The following NOS1 variants were observed in gnomAD, a reference collection of about 807,000 sequenced individuals.
NOS1 encodes the protein NOS type I.
Under a neutral mutation model 164.5 loss-of-function variants are expected in NOS1, and 51 were observed. The observed-to-expected ratio is 0.31, with a 90% CI of 0.25 to 0.39. NOS1 has a LOEUF of 0.39. Among genes scored for constraint, NOS1 ranks in the 10% least tolerant of loss-of-function variants. NOS1 has a pLI of 1.00. For synonymous variants in NOS1, 719 were observed against 745.8 expected, an observed-to-expected ratio of 0.96 and a Z score of 0.59; for missense variants, 1,362 against 1,885.6, an observed-to-expected ratio of 0.72 and a Z score of 5.14.
At chr12:117,238,028 C>T (rs1050110320) in intron 20 of NOS1, among the ~76,000 whole-genome samples, 5 of 151,934 alleles carry the variant, frequency 3.3e-5, no homozygotes, top group Admixed American at 1.3e-4. Flanking sequence ...GGGAAGAGCA[C>T]GTGCAAAGGC....
chr12:117,265,628 G>A (rs1349545043), intron 11 of NOS1, 118 bp from the exon 12 acceptor site: 5 of 632,260 alleles, frequency 7.9e-6, no homozygotes, highest in South Asian at 3.6e-5. Context: ...TTAGAGCAGC[G>A]TGAAGTGAGA....
chr12:117,229,159 CA>C (rs1868967660), intron 22 of NOS1, among the ~76,000 whole-genome samples: 1 of 152,204 alleles, frequency 6.6e-6, no homozygotes, highest in South Asian at 2.1e-4. Context: ...CCTGCAGTTG[CA>C]GGAGCAACAT....
chr12:117,300,651 G>A (rs1404726256), intron 3 of NOS1, among the ~76,000 whole-genome samples: 1 of 152,058 alleles, frequency 6.6e-6, no homozygotes, highest in African/African-American at 2.4e-5. Context: ...GGGCACCCTG[G>A]GAATGTTGGA....
intron 26 of NOS1, among the ~76,000 whole-genome samples, chr12:117,221,130 T>TTATATTTATTTA (rs377641224): frequency 1.4e-5 from 2 of 146,028 alleles, no homozygotes; most frequent in African/African-American, 5.1e-5. Context: ...TTAAATTTAT[T>TTATATTTATTTA]TTTATTTATT....
chr12:117,228,974 G>T (rs1020321600), intron 22 of NOS1, among the ~76,000 whole-genome samples: 1 of 152,050 alleles, frequency 6.6e-6, no homozygotes, highest in African/African-American at 2.4e-5. Flanking sequence ...GTAGAGACAG[G>T]GTTTCACCGT....
intron 10 of NOS1, among the ~76,000 whole-genome samples, chr12:117,268,863 C>T (rs1004095036): frequency 3.3e-5 from 5 of 151,960 alleles, no homozygotes; most frequent in African/African-American, 9.7e-5. Context: ...TCCCAAAGTG[C>T]TGGGATTACA....
intron 2 of NOS1, among the ~76,000 whole-genome samples, chr12:117,325,714 C>T (rs1875212887): frequency 6.6e-6 from 1 of 152,212 alleles, no homozygotes; most frequent in Non-Finnish European, 1.5e-5. Context: ...GAGTCATTCA[C>T]TATTTTGGAA....
intron 3 of NOS1, among the ~76,000 whole-genome samples, chr12:117,310,189 G>T (rs1025430910): frequency 3.3e-5 from 5 of 152,164 alleles, no homozygotes; most frequent in Non-Finnish European, 5.9e-5. Context: ...TTACAGGCGT[G>T]AGCCGCCATG....
At chr12:117,224,876 C>G in intron 25 of NOS1, 140 bp downstream of exon 25, 1 of 1,082,852 alleles carries the variant, frequency 9.2e-7, no homozygotes, top group Non-Finnish European at 1.4e-6. Flanking sequence ...GTAGGTCAGG[C>G]TGGTGCTACA....
chr12:117,335,201 T>G (rs1482386676), intron 1 of NOS1, among the ~76,000 whole-genome samples: 2 of 152,260 alleles, frequency 1.3e-5, no homozygotes, highest in East Asian at 3.9e-4. Context: ...TCTGTCACTG[T>G]CCAGCCAAAG....
chr12:117,242,963 T>A (rs974736511), intron 19 of NOS1, among the ~76,000 whole-genome samples: 7 of 152,184 alleles, frequency 4.6e-5, no homozygotes, highest in Non-Finnish European at 7.3e-5. Context: ...TGGAGTAGAA[T>A]GAGAGACAGA....
intron 9 of NOS1, among the ~76,000 whole-genome samples, chr12:117,273,028 T>G (rs930396985): frequency 6.6e-6 from 1 of 152,186 alleles, no homozygotes; most frequent in African/African-American, 2.4e-5. Context: ...TCCTGGGACC[T>G]TCTCCCTTCC....
At chr12:117,252,500 A>C (rs1871173983) in intron 17 of NOS1, among the ~76,000 whole-genome samples, 1 of 152,230 alleles carries the variant, frequency 6.6e-6, no homozygotes. Flanking sequence ...AAAAGTACTG[A>C]TGTCAAAACC....
At chr12:117,345,708 C>G (rs1876317412) in intron 1 of NOS1, among the ~76,000 whole-genome samples, 1 of 152,168 alleles carries the variant, frequency 6.6e-6, no homozygotes, top group Admixed American at 6.5e-5. Flanking sequence ...TCAATTAACA[C>G]TTAGGGCTGG....
At chr12:117,305,463 C>CAA (rs34249731) in intron 3 of NOS1, among the ~76,000 whole-genome samples, 3,303 of 120,352 alleles carry the variant, frequency 0.027, 67 homozygotes, top group Non-Finnish European at 0.039. Context: ...GACTCCATCT[C>CAA]AAAAAAAAAA....
In NOS1 at chr12:117,234,510, A is replaced by G; in HGVS notation, c.3235+55T>C. 6.4e-7 allele frequency: 1 copy of G among 1,550,826 alleles called. No individual in the cohort carries two copies. The highest frequency in any genetic ancestry group is 8.8e-7 in the Non-Finnish European group (1 of 1,138,266). ...GAAGAAAAGGTATCTTCTTCCCGAG[A>G]CACCCACTGCCTCTGCAGCTCCCTA... On this transcript the variant is annotated intron_variant, in intron 21 of 28. Coordinates refer to ENST00000317775, the MANE Select transcript of NOS1 (RefSeq NM_000620.5). This position sits in a 1 kb window ranked among gnomAD's most constrained non-coding sequence, Gnocchi z 4.3.
Position 117,266,161 on chromosome 12 carries a change from T to A in NOS1, c.1942-651A>T, listed in dbSNP as rs200851246. 3.3e-5 allele frequency among the ~76,000 whole-genome samples: 5 copies of A among 152,014 alleles called. No homozygotes were observed. In the East Asian group the frequency reaches 9.6e-4, roughly 29 times the overall value. On this transcript the variant is annotated intron_variant, in intron 11 of 28. Coordinates refer to ENST00000317775, the MANE Select transcript of NOS1 (RefSeq NM_000620.5). ...GGGGAACAGGTGGTGCTTGGTGACA[T>A]GAGTAAGTTCTTTAGTGGTGATTTG...
At position 117,212,577 on chromosome 12, in the gene NOS1, C is replaced by T. The variant is rs1324449719; in HGVS notation, c.*2732G>A. 1 of 985,464 alleles carries T rather than the reference C, an allele frequency of 1.0e-6. No homozygotes were observed. The highest frequency in any genetic ancestry group is 1.2e-6 in the Non-Finnish European group (1 of 829,952). The allele number at this position is 985,464 out of a possible 1,614,324, so 61.0% of individuals were successfully genotyped here. A position where few individuals can be genotyped will look rare whatever the true frequency, so the allele number is the denominator to read the frequency against. On this transcript the variant is annotated 3_prime_UTR_variant, in exon 29 of 29. Transcript: ENST00000317775. Reference sequence around the variant, plus strand: ...CTATTTCAGGAGACGTCTCATTCCTCCTGGCCAAACTCACTTTTGTGAAAT... The same window carrying T: ...CTATTTCAGGAGACGTCTCATTCCTTCTGGCCAAACTCACTTTTGTGAAAT...
Position 117,243,500 on chromosome 12 carries a change from C to G in NOS1, c.2824-65G>C, listed in dbSNP as rs1870353919. 1 of 1,569,126 alleles carries G rather than the reference C, an allele frequency of 6.4e-7. No individual in the cohort carries two copies. Among genetic ancestry groups the G allele is most frequent in the Non-Finnish European group, 8.7e-7 (1 of 1,149,764 alleles). On this transcript the variant is annotated intron_variant, in intron 18 of 28. Transcript: ENST00000317775. The surrounding 1 kb of genome is among the most constrained non-coding windows in gnomAD (Gnocchi z 4.3). ...AAGCGGATCTCCTCTCCAACAGCTC[C>G]AAGTCATGGCATGTATCTCTTCATT...
Sources: allele counts gnomAD v4.1 joint callset (sites outside exome capture counted in the v4.1 genomes callset), GRCh38; gene constraint gnomAD v4.1.1; non-coding constraint Gnocchi (gnomAD v3.1); transcripts MANE v1.5; gene names NCBI Gene and HGNC (gene_info 2026-07-23, HGNC 2026-07-21).